WASF3: variants seen among roughly 807,000 people sequenced by gnomAD.
The protein encoded by WASF3 is WASP family member 3, also known as actin-binding protein WASF3.
A neutral mutation model predicts 46.6 loss-of-function variants in WASF3; 11 were observed. That is an observed-to-expected ratio of 0.24 (90% CI 0.15 to 0.39). WASF3 has a LOEUF of 0.39. WASF3 is among the 10% of genes least tolerant of loss of function. WASF3 has a pLI of 1.00. For missense variants in WASF3, 576 were observed against 669.8 expected, an observed-to-expected ratio of 0.86 and a Z score of 1.55; for synonymous variants, 242 against 259.7, an observed-to-expected ratio of 0.93 and a Z score of 0.65.
chr13:26,628,894 C>T (rs596691), intron 2 of WASF3, among the ~76,000 whole-genome samples: 2,076 of 152,326 alleles, frequency 0.014, 54 homozygotes, highest in African/African-American at 0.046. Context: ...TCCTTGGGAT[C>T]CCACTGCCAT....
chr13:26,610,361 G>A (rs546860275), intron 1 of WASF3, among the ~76,000 whole-genome samples: 3 of 152,148 alleles, frequency 2.0e-5, no homozygotes, highest in Non-Finnish European at 4.4e-5. Context: ...ACCTGTCAGA[G>A]CACTGGCCCC....
intron 5 of WASF3, among the ~76,000 whole-genome samples, chr13:26,669,883 T>C (rs1309829608): frequency 6.6e-6 from 1 of 152,176 alleles, no homozygotes; most frequent in Admixed American, 6.5e-5. Context: ...TGTGGAGAAA[T>C]AGGAACGCTT....
At chr13:26,637,739 G>A (rs977236179) in intron 2 of WASF3, among the ~76,000 whole-genome samples, 11 of 152,190 alleles carry the variant, frequency 7.2e-5, no homozygotes, top group East Asian at 3.9e-4. Flanking sequence ...CCAGGTCACC[G>A]TCACTGTAAT....
rs1200397690 is a variant in WASF3, at chr13:26,671,947, A to G, written c.498A>G (p.Leu166=). The G allele has an allele frequency of 3.7e-6, 6 of 1,611,660 alleles. No homozygotes were observed. The highest frequency in any genetic ancestry group is 1.3e-5 in the African/African-American group (1 of 74,776). The change falls in exon 6 of 10, where the codon CTA becomes CTG. Residue 166 remains leucine, a synonymous_variant. Transcript: ENST00000335327. ...TTGACCTCTGGAAAGAAAAAATGCT[A>G]CAGGACACAGAAGACAAAAGGAAAG... is the stretch of plus-strand genomic sequence containing the variant. ...YFFDLWKEKM[L]QDTEDKRKEK... is the part of the protein sequence containing the mutation.
intron 3 of WASF3, among the ~76,000 whole-genome samples, chr13:26,649,411 AG>A (rs745531728): frequency 3.9e-5 from 6 of 152,188 alleles, no homozygotes; most frequent in Non-Finnish European, 8.8e-5. Flanking sequence ...AATTTATTGA[AG>A]GGGCATCCAG....
Position 26,578,346 on chromosome 13 carries a change from A to G in WASF3, c.-109+20527A>G, listed in dbSNP as rs1296701823. On this transcript the variant is annotated intron_variant, in intron 1 of 9. Coordinates refer to ENST00000335327, the MANE Select transcript of WASF3 (RefSeq NM_006646.6). Reference sequence around the variant, plus strand: ...TTAATCACTGTGATAAGTTTAATAAAGTTGCTACCTTAGCATTCATTTTAG... The same window carrying G: ...TTAATCACTGTGATAAGTTTAATAAGGTTGCTACCTTAGCATTCATTTTAG... Among the ~76,000 whole-genome samples the G allele has an allele frequency of 2.0e-5, 3 of 152,198 alleles. No homozygotes were observed. In the East Asian group the frequency reaches 5.8e-4, roughly 29 times the overall value.
At chr13:26,598,075 C>A (rs1880529506) in intron 1 of WASF3, among the ~76,000 whole-genome samples, 2 of 152,170 alleles carry the variant, frequency 1.3e-5, no homozygotes. Flanking sequence ...AGTTTACAGT[C>A]CCACCAACAG....
intron 1 of WASF3, among the ~76,000 whole-genome samples, chr13:26,599,154 G>A (rs1190452842): frequency 2.7e-5 from 4 of 148,898 alleles, no homozygotes; most frequent in African/African-American, 7.4e-5. Flanking sequence ...CAGCCGCTGC[G>A]CCTGGCCTGC....
intron 9 of WASF3, among the ~76,000 whole-genome samples, chr13:26,683,762 C>T (rs1883317440): frequency 6.6e-6 from 1 of 152,116 alleles, no homozygotes; most frequent in Non-Finnish European, 1.5e-5. Flanking sequence ...GCGTTGACCC[C>T]CTGACCACAA....
In WASF3 at chr13:26,653,614, G is replaced by A. The variant is rs566539906; in HGVS notation, c.133+11211G>A. ...ACTCTCTTCACCTGCACAGTGGTCCGCCACCTCACTCTGGTGTTTTTCCTA... is the reference window on the plus strand; with the variant it reads ...ACTCTCTTCACCTGCACAGTGGTCCACCACCTCACTCTGGTGTTTTTCCTA... On this transcript the variant is annotated intron_variant, in intron 3 of 9. Coordinates refer to ENST00000335327, the MANE Select transcript of WASF3 (RefSeq NM_006646.6). Among the ~76,000 whole-genome samples, 117 of 152,164 alleles carry A rather than the reference G, an allele frequency of 7.7e-4. 1 individual carries two copies. Among genetic ancestry groups the A allele is most frequent in the African/African-American group, 2.7e-3 (112 of 41,506 alleles).
intron 2 of WASF3, among the ~76,000 whole-genome samples, chr13:26,634,851 GA>G (rs1202071421): frequency 6.6e-6 from 1 of 152,226 alleles, no homozygotes; most frequent in Non-Finnish European, 1.5e-5. Flanking sequence ...TCTGTCCAGA[GA>G]TCCACTGTTA....
intron 6 of WASF3, among the ~76,000 whole-genome samples, chr13:26,676,054 T>G (rs937365871): frequency 3.3e-5 from 5 of 152,378 alleles, no homozygotes; most frequent in Non-Finnish European, 7.3e-5. Context: ...TTGCTTAATT[T>G]TGTGTTAAAC....
At chr13:26,678,934 C>T (rs955165608) in intron 7 of WASF3, among the ~76,000 whole-genome samples, 5 of 152,114 alleles carry the variant, frequency 3.3e-5, no homozygotes, top group African/African-American at 1.2e-4. Flanking sequence ...CGTGTGGTGT[C>T]GCCTCTGGCC....
intron 1 of WASF3, among the ~76,000 whole-genome samples, chr13:26,583,965 T>C (rs977258462): frequency 6.6e-6 from 1 of 152,214 alleles, no homozygotes; most frequent in Non-Finnish European, 1.5e-5. Flanking sequence ...TTCAGTGAAG[T>C]GTGTTTGGGC....
At chr13:26,657,251 G>A (rs1882493194) in intron 3 of WASF3, among the ~76,000 whole-genome samples, 1 of 152,244 alleles carries the variant, frequency 6.6e-6, no homozygotes, top group Non-Finnish European at 1.5e-5. Flanking sequence ...GATACACGGG[G>A]TAGAGCGCAG....
At chr13:26,584,178 T>TG (rs1370726965) in intron 1 of WASF3, among the ~76,000 whole-genome samples, 1 of 152,220 alleles carries the variant, frequency 6.6e-6, no homozygotes, top group Non-Finnish European at 1.5e-5. Context: ...ATCACTTAGT[T>TG]GCAAGGGACC....
chr13:26,582,321 T>G (rs1481532190), intron 1 of WASF3, among the ~76,000 whole-genome samples: 2 of 152,058 alleles, frequency 1.3e-5, no homozygotes, highest in Admixed American at 6.6e-5. Flanking sequence ...CTCTGTTGTT[T>G]ATTAGCTGTG....
intron 2 of WASF3, among the ~76,000 whole-genome samples, chr13:26,613,747 C>A (rs902465031): frequency 6.6e-6 from 1 of 152,048 alleles, no homozygotes; most frequent in Non-Finnish European, 1.5e-5. Flanking sequence ...TCCAGCCTGG[C>A]GACAGAGTGA....
At chr13:26,665,003 C>T (rs1458820043) in intron 3 of WASF3, 25 bp from the exon 4 acceptor site, 24 of 1,613,006 alleles carry the variant, frequency 1.5e-5, no homozygotes, top group Non-Finnish European at 2.0e-5. Flanking sequence ...AACAGATGGC[C>T]TTCTCCATTC....
Sources: allele counts gnomAD v4.1 joint callset (sites outside exome capture counted in the v4.1 genomes callset), GRCh38; gene constraint gnomAD v4.1.1; transcripts MANE v1.5; gene names NCBI Gene and HGNC (gene_info 2026-07-23, HGNC 2026-07-21).